FANK1: variants seen among roughly 807,000 people sequenced by gnomAD.
The protein encoded by FANK1 is fibronectin type III and ankyrin repeat domains 1.
In FANK1, 44 loss-of-function variants were observed where a neutral mutation model predicts 45.3. That is an observed-to-expected ratio of 0.97 (90% CI 0.76 to 1.25). The LOEUF is 1.25. Among genes scored for constraint, FANK1 ranks in the 50% most tolerant of loss-of-function variants. FANK1 has a pLI of 0.00. For synonymous variants in FANK1, 149 were observed against 152.5 expected, an observed-to-expected ratio of 0.98 and a Z score of 0.17; for missense variants, 391 against 424.4, an observed-to-expected ratio of 0.92 and a Z score of 0.69.
At chr10:125,947,622 G>A (rs1295244262) in intron 1 of FANK1, among the ~76,000 whole-genome samples, 4 of 151,500 alleles carry the variant, frequency 2.6e-5, no homozygotes, top group South Asian at 4.2e-4. Context: ...AGCAAGTCCT[G>A]AGTGACCTAC....
intron 1 of FANK1, among the ~76,000 whole-genome samples, chr10:125,949,514 A>G (rs1054503700): frequency 3.3e-5 from 5 of 152,116 alleles, no homozygotes; most frequent in East Asian, 1.9e-4. Flanking sequence ...CCCATTCCCA[A>G]TTGCTTCAAA....
chr10:125,998,858 G>T (rs1256535025), intron 6 of FANK1, among the ~76,000 whole-genome samples: 1 of 152,152 alleles, frequency 6.6e-6, no homozygotes, highest in Non-Finnish European at 1.5e-5. Context: ...TCCAATGTAG[G>T]CTCTGTGGCT....
chr10:126,005,165 G>A (rs2271651), intron 7 of FANK1, 116 bp downstream of exon 7: 863,312 of 1,277,948 alleles, frequency 0.68, 294,208 homozygotes, highest in East Asian at 0.8. Flanking sequence ...GCTGGAGAAA[G>A]TTTTCTGACT....
intron 1 of FANK1, among the ~76,000 whole-genome samples, chr10:125,925,124 A>G (rs1300039474): frequency 6.6e-6 from 1 of 151,854 alleles, no homozygotes; most frequent in African/African-American, 2.4e-5. Context: ...TATTTTTTTC[A>G]TAGTTTTAAA....
chr10:125,921,804 C>T (rs957736552), intron 1 of FANK1, among the ~76,000 whole-genome samples: 2 of 152,078 alleles, frequency 1.3e-5, no homozygotes, highest in African/African-American at 4.8e-5. Context: ...TTGTAATAAT[C>T]CTTTCATTTC....
At chr10:125,960,290 G>A in intron 1 of FANK1, 2 of 296,094 alleles carry the variant, frequency 6.8e-6, no homozygotes, top group Non-Finnish European at 6.8e-6. Context: ...CATTCTGCAT[G>A]CAGTACTGTT....
intron 1 of FANK1, among the ~76,000 whole-genome samples, chr10:125,913,568 A>G (rs568289727): frequency 5.3e-5 from 8 of 152,274 alleles, no homozygotes; most frequent in African/African-American, 1.9e-4. Flanking sequence ...TGCCACCACT[A>G]CTTCCAAATA....
chr10:125,897,409 C>T (rs1169251041), intron 1 of FANK1, among the ~76,000 whole-genome samples: 1 of 152,304 alleles, frequency 6.6e-6, no homozygotes, highest in Non-Finnish European at 1.5e-5. Context: ...CCTAAGCTGT[C>T]TTATTGTTCC....
intron 5 of FANK1, 92 bp from the exon 6 acceptor site, chr10:125,997,328 T>G: frequency 1.0e-6 from 1 of 959,914 alleles, no homozygotes; most frequent in Admixed American, 2.3e-5. Flanking sequence ...AGATACATCT[T>G]GGATGCTGTG....
intron 1 of FANK1, among the ~76,000 whole-genome samples, chr10:125,971,307 T>G (rs1157032140): frequency 6.6e-6 from 1 of 152,046 alleles, no homozygotes; most frequent in Non-Finnish European, 1.5e-5. Context: ...AGTCAAACTC[T>G]CTGCCTTCTT....
intron 3 of FANK1, among the ~76,000 whole-genome samples, chr10:125,992,170 A>G (rs1372822091): frequency 6.6e-6 from 1 of 152,190 alleles, no homozygotes; most frequent in Non-Finnish European, 1.5e-5. Context: ...GGGTGGGAGG[A>G]ATGAAACATT....
intron 2 of FANK1, among the ~76,000 whole-genome samples, chr10:125,981,632 G>A (rs1951226049): frequency 6.6e-6 from 1 of 151,980 alleles, no homozygotes; most frequent in Non-Finnish European, 1.5e-5. Context: ...CCAAAAATGA[G>A]ATACAAATAT....
At chr10:125,930,539 T>C (rs1207452921) in intron 1 of FANK1, among the ~76,000 whole-genome samples, 5 of 151,626 alleles carry the variant, frequency 3.3e-5, no homozygotes, top group Non-Finnish European at 7.4e-5. Flanking sequence ...AGTATTGCTA[T>C]GTTTCCCAGG....
At chr10:125,996,389 C>T (rs1023774129) in intron 4 of FANK1, among the ~76,000 whole-genome samples, 161 bp from the exon 5 acceptor site, 10 of 152,174 alleles carry the variant, frequency 6.6e-5, no homozygotes, top group African/African-American at 1.9e-4. Context: ...TTAGAAGATT[C>T]TTAGCAGTCT....
intron 4 of FANK1, 83 bp downstream of exon 4, chr10:125,995,581 C>A (rs1274837574): frequency 2.3e-6 from 3 of 1,332,222 alleles, no homozygotes; most frequent in African/African-American, 1.4e-5. Flanking sequence ...ATTTTGTTTT[C>A]CTAAAAATTC....
intron 6 of FANK1, chr10:126,004,564 T>C: frequency 3.9e-6 from 1 of 253,960 alleles, no homozygotes; most frequent in South Asian, 5.4e-5. Flanking sequence ...ACCTGCTAGT[T>C]CTGTCTTGCA....
chr10:125,929,334 A>C (rs1234194736), intron 1 of FANK1, among the ~76,000 whole-genome samples: 1 of 152,152 alleles, frequency 6.6e-6, no homozygotes, highest in Non-Finnish European at 1.5e-5. Context: ...TGGTATCCTG[A>C]GTGTGGAGAC....
intron 1 of FANK1, among the ~76,000 whole-genome samples, chr10:125,916,378 ATTC>A (rs1946447924): frequency 6.6e-6 from 1 of 152,070 alleles, no homozygotes; most frequent in Non-Finnish European, 1.5e-5. Flanking sequence ...TACTGTCAGT[ATTC>A]CCCTCACATA....
At chr10:125,994,335 C>T (rs1952154481) in intron 3 of FANK1, 1 of 944,336 alleles carries the variant, frequency 1.1e-6, no homozygotes, top group African/African-American at 1.8e-5. Flanking sequence ...TTCATGCTAA[C>T]CCCCTAGAGC....
Sources: allele counts gnomAD v4.1 joint callset (sites outside exome capture counted in the v4.1 genomes callset), GRCh38; gene constraint gnomAD v4.1.1; transcripts MANE v1.5; gene names NCBI Gene and HGNC (gene_info 2026-07-23, HGNC 2026-07-21).